RNF144A: variants seen among roughly 807,000 people sequenced by gnomAD.
RNF144A encodes ring finger protein 144A.
RNF144A carries 11 observed loss-of-function variants against 38.7 expected under a neutral mutation model. The ratio of observed to expected loss-of-function variants is 0.28; its 90% CI spans 0.18 to 0.47. The LOEUF is 0.47. RNF144A is among the 20% of genes least tolerant of loss of function. The probability of loss-of-function intolerance (pLI) is 0.99; values close to 1 mark genes in which losing one functional copy is unlikely to be tolerated. For missense variants in RNF144A, 316 were observed against 377.2 expected, an observed-to-expected ratio of 0.84 and a Z score of 1.34; for synonymous variants, 149 against 143.9, an observed-to-expected ratio of 1.04 and a Z score of -0.25.
intron 2 of RNF144A, among the ~76,000 whole-genome samples, chr2:6,991,031 G>A (rs548848185): frequency 6.6e-6 from 1 of 152,152 alleles, no homozygotes; most frequent in Admixed American, 6.5e-5. Context: ...TTTTTTCAGT[G>A]CCGAATAATA....
chr2:7,012,858 T>C (rs1670907079), intron 3 of RNF144A, among the ~76,000 whole-genome samples: 2 of 152,146 alleles, frequency 1.3e-5, no homozygotes, highest in African/African-American at 4.8e-5. Flanking sequence ...AAACCATAGG[T>C]TGGTAAAATG....
Position 7,043,030 on chromosome 2 carries a change from G to A in RNF144A, c.*3270G>A. 1 of 478,554 alleles carries A rather than the reference G, an allele frequency of 2.1e-6. No homozygotes were observed. Among genetic ancestry groups the A allele is most frequent in the Non-Finnish European group, 2.7e-6 (1 of 367,172 alleles). 29.6% of individuals were successfully genotyped at this position (478,554 alleles called of 1,614,324 possible). ...TTACAGGCACCCACCACCTCACCCA[G>A]CTAATTTTTGTATTTTCAGTAGAGA... On this transcript the variant is annotated 3_prime_UTR_variant, in exon 9 of 9. Coordinates refer to ENST00000320892, the MANE Select transcript of RNF144A (RefSeq NM_014746.6).
chr2:6,940,884 CT>C (rs1402146143), intron 1 of RNF144A, 63 bp from the exon 2 acceptor site: 1 of 152,254 alleles, frequency 6.6e-6, no homozygotes, highest in Non-Finnish European at 1.5e-5. Context: ...TGAAGAAAGG[CT>C]TTGTGCCCTG....
rs561125220 is a variant in RNF144A, at chr2:7,057,805, A to T, written c.735-10411A>T. 3.3e-5 allele frequency among the ~76,000 whole-genome samples: 5 copies of T among 152,294 alleles called. No homozygotes were observed. The East Asian group carries it at 9.6e-4, about 29-fold the overall frequency. On this transcript the variant is annotated intron_variant, in intron 6 of 6. Transcript: ENST00000432850. ...GAGTGAATAGATAAAAATTGAAAAA[A>T]ATCTTGGTATATTTTCTCATAGAAA...
intron 6 of RNF144A, among the ~76,000 whole-genome samples, chr2:7,055,039 C>T (rs1673678786): frequency 6.6e-6 from 1 of 152,156 alleles, no homozygotes; most frequent in Non-Finnish European, 1.5e-5. Flanking sequence ...CTGATGGCTT[C>T]TCATCAGCAT....
In RNF144A at chr2:7,044,007, G is replaced by A. The variant is rs1673200606; in HGVS notation, c.*4247G>A. 1.0e-6 allele frequency: 1 copy of A among 985,642 alleles called. No homozygotes were observed. The highest frequency in any genetic ancestry group is 1.7e-5 in the African/African-American group (1 of 57,228). 61.1% of individuals were successfully genotyped at this position (985,642 alleles called of 1,614,324 possible). ...TAACACTGTGATGTATAAAAGAGCT[G>A]TTTGAATGCCTTTTAATGTTGTGTT... On this transcript the variant is annotated 3_prime_UTR_variant, in exon 9 of 9. Coordinates refer to ENST00000320892, the MANE Select transcript of RNF144A (RefSeq NM_014746.6).
At chr2:7,024,326 T>G (rs1387106498) in intron 6 of RNF144A, 43 bp from the exon 7 acceptor site, 1 of 1,541,120 alleles carries the variant, frequency 6.5e-7, no homozygotes, top group African/African-American at 1.3e-5. Flanking sequence ...GGGTCTCCCG[T>G]GGGATCCGTT....
chr2:6,994,444 GA>G (rs1486528871), intron 2 of RNF144A, among the ~76,000 whole-genome samples: 4 of 152,132 alleles, frequency 2.6e-5, no homozygotes, highest in African/African-American at 9.7e-5. Context: ...GAAATCAAAA[GA>G]AAAAAGTCAC....
Position 7,042,449 on chromosome 2 carries a change from A to G in RNF144A, c.*2689A>G. 1 of 985,478 alleles carries G rather than the reference A, an allele frequency of 1.0e-6. No individual in the cohort carries two copies. The highest frequency in any genetic ancestry group is 1.2e-6 in the Non-Finnish European group (1 of 829,946). The allele number at this position is 985,478 out of a possible 1,614,324, so 61.0% of individuals were successfully genotyped here. On this transcript the variant is annotated 3_prime_UTR_variant, in exon 9 of 9. Transcript: ENST00000320892. ...CCCCAGAAGCATATGGCATGTGTTCACTAAGAGGCCTTTAATCCTGGGGAG... is the reference window on the plus strand; with the variant it reads ...CCCCAGAAGCATATGGCATGTGTTCGCTAAGAGGCCTTTAATCCTGGGGAG...
intron 1 of RNF144A, among the ~76,000 whole-genome samples, chr2:6,922,161 G>C (rs1664577618): frequency 1.3e-5 from 2 of 152,138 alleles, no homozygotes; most frequent in South Asian, 4.1e-4. Context: ...GGAAAGATCA[G>C]GGGAACCACC....
intron 5 of RNF144A, among the ~76,000 whole-genome samples, chr2:7,016,929 T>C (rs1671176609): frequency 6.6e-6 from 1 of 152,184 alleles, no homozygotes; most frequent in African/African-American, 2.4e-5. Context: ...ATAACAGCCT[T>C]GGTTTTAGCG....
intron 6 of RNF144A, among the ~76,000 whole-genome samples, chr2:7,053,251 C>T (rs1198321017): frequency 1.3e-5 from 2 of 152,236 alleles, no homozygotes; most frequent in African/African-American, 2.4e-5. Context: ...CTCAGCCCCA[C>T]CTCAGACCGA....
intron 1 of RNF144A, among the ~76,000 whole-genome samples, chr2:6,922,738 C>T (rs1321248207): frequency 1.3e-5 from 2 of 151,838 alleles, no homozygotes; most frequent in African/African-American, 2.4e-5. Flanking sequence ...CATTCTCCTG[C>T]CTCAGCCTCC....
intron 2 of RNF144A, among the ~76,000 whole-genome samples, chr2:6,952,660 A>G (rs925388936): frequency 3.3e-5 from 5 of 151,082 alleles, no homozygotes; most frequent in Admixed American, 2.0e-4. Flanking sequence ...TTAAGAAAAA[A>G]TTTAAAAATG....
At chr2:7,034,233 C>T (rs1444389034) in intron 8 of RNF144A, among the ~76,000 whole-genome samples, 1 of 151,582 alleles carries the variant, frequency 6.6e-6, no homozygotes, top group Non-Finnish European at 1.5e-5. Flanking sequence ...GATCGTGCCA[C>T]TGCACTCCAG....
intron 3 of RNF144A, among the ~76,000 whole-genome samples, chr2:7,007,615 C>T (rs185527847): frequency 8.5e-4 from 130 of 152,318 alleles, no homozygotes; most frequent in Non-Finnish European, 2.4e-4. Flanking sequence ...CACCCAATGT[C>T]ACAGCCTTGG....
intron 5 of RNF144A, among the ~76,000 whole-genome samples, chr2:7,019,436 C>T (rs1216185267): frequency 1.3e-5 from 2 of 152,220 alleles, no homozygotes; most frequent in East Asian, 3.9e-4. Context: ...GGCGGCCAGT[C>T]ACAGGGCCCA....
chr2:7,019,057 C>T (rs1671335017), intron 5 of RNF144A, among the ~76,000 whole-genome samples: 1 of 152,154 alleles, frequency 6.6e-6, no homozygotes, highest in Non-Finnish European at 1.5e-5. Context: ...CCAGTAGCTG[C>T]GACAGAAACC....
chr2:6,981,763 A>T (rs1403493710), intron 2 of RNF144A, among the ~76,000 whole-genome samples: 2 of 152,174 alleles, frequency 1.3e-5, no homozygotes, highest in East Asian at 3.8e-4. Flanking sequence ...AGTTGCTTCC[A>T]CATTTCCAGG....
Sources: allele counts gnomAD v4.1 joint callset (sites outside exome capture counted in the v4.1 genomes callset), GRCh38; gene constraint gnomAD v4.1.1; transcripts MANE v1.5; gene names NCBI Gene and HGNC (gene_info 2026-07-23, HGNC 2026-07-21).